The following CREB3L2 variants were observed in gnomAD, a reference collection of about 807,000 sequenced individuals.
CREB3L2 encodes the protein cyclic AMP-responsive element-binding protein 3-like protein 2.
A neutral mutation model predicts 57.2 loss-of-function variants in CREB3L2; 23 were observed. The ratio of observed to expected loss-of-function variants is 0.40; its 90% CI spans 0.29 to 0.57. The LOEUF is 0.57. Ranked by LOEUF, CREB3L2 falls within the 20% of genes least tolerant of loss-of-function variation. The pLI, the probability that CREB3L2 is intolerant of heterozygous loss-of-function variation, is 0.42. For synonymous variants in CREB3L2, 268 were observed against 265.1 expected, an observed-to-expected ratio of 1.01 and a Z score of -0.11; for missense variants, 628 against 634.7, an observed-to-expected ratio of 0.99 and a Z score of 0.11.
chr7:137,983,330 T>C (rs908759187), intron 1 of CREB3L2, among the ~76,000 whole-genome samples: 8 of 152,156 alleles, frequency 5.3e-5, no homozygotes, highest in African/African-American at 1.9e-4. Flanking sequence ...AGGGCAGAAA[T>C]GCAACATCAG....
At chr7:137,933,176 G>A (rs1223748542) in intron 1 of CREB3L2, among the ~76,000 whole-genome samples, 1 of 152,196 alleles carries the variant, frequency 6.6e-6, no homozygotes, top group Non-Finnish European at 1.5e-5. Flanking sequence ...ATCCTTTGAA[G>A]ACAAAACTAA....
At chr7:137,895,852 T>G (rs1250606633) in intron 8 of CREB3L2, among the ~76,000 whole-genome samples, 1 of 152,208 alleles carries the variant, frequency 6.6e-6, no homozygotes, top group Non-Finnish European at 1.5e-5. Flanking sequence ...CCCCAAGGCC[T>G]CTCCACCCCC....
chr7:137,905,324 G>A (rs947315950), intron 6 of CREB3L2, among the ~76,000 whole-genome samples: 3 of 146,340 alleles, frequency 2.1e-5, no homozygotes, highest in African/African-American at 7.5e-5. Flanking sequence ...GATACATAGA[G>A]TACATATATA....
At chr7:137,933,207 A>G (rs986628383) in intron 1 of CREB3L2, among the ~76,000 whole-genome samples, 3 of 152,238 alleles carry the variant, frequency 2.0e-5, no homozygotes, top group African/African-American at 7.2e-5. Flanking sequence ...AGAGAAATAA[A>G]TAACAGAATG....
At chr7:137,953,835 G>A (rs1801154624) in intron 1 of CREB3L2, among the ~76,000 whole-genome samples, 1 of 152,200 alleles carries the variant, frequency 6.6e-6, no homozygotes, top group Admixed American at 6.5e-5. Flanking sequence ...AAAACAGACG[G>A]TCAAACAAAG....
chr7:137,900,600 T>C (rs1017917101), intron 8 of CREB3L2, among the ~76,000 whole-genome samples: 7 of 150,924 alleles, frequency 4.6e-5, no homozygotes, highest in African/African-American at 1.7e-4. Context: ...ATTGAGACCA[T>C]CCTGGCCAAC....
chr7:137,947,850 A>C (rs1193666964), intron 1 of CREB3L2, among the ~76,000 whole-genome samples: 1 of 152,190 alleles, frequency 6.6e-6, no homozygotes. Flanking sequence ...TGTCACGTCT[A>C]GAATATCCAC....
chr7:137,952,829 G>A (rs1383923004), intron 1 of CREB3L2, among the ~76,000 whole-genome samples: 3 of 151,930 alleles, frequency 2.0e-5, no homozygotes, highest in Non-Finnish European at 2.9e-5. Context: ...GTTTTTTTTA[G>A]ACGGGGTCTC....
intron 1 of CREB3L2, among the ~76,000 whole-genome samples, chr7:137,964,009 T>C (rs1314171775): frequency 2.0e-5 from 3 of 152,250 alleles, no homozygotes; most frequent in Non-Finnish European, 2.9e-5. Context: ...CCTTTTAAGA[T>C]GGCCATGTTA....
intron 1 of CREB3L2, among the ~76,000 whole-genome samples, chr7:137,972,734 TATAGAGAG>T (rs1341713029): frequency 3.8e-4 from 9 of 23,416 alleles, no homozygotes; most frequent in East Asian, 8.8e-4. Context: ...TATATATATA[TATAGAGAG>T]AGAGAGAGAG....
At chr7:137,971,320 G>A (rs1801502596) in intron 1 of CREB3L2, among the ~76,000 whole-genome samples, 1 of 152,102 alleles carries the variant, frequency 6.6e-6, no homozygotes, top group South Asian at 2.1e-4. Context: ...TGTGGTGGCG[G>A]GCGCCTGTAG....
In CREB3L2 at chr7:137,961,944, C is replaced by T. The variant is rs77202727; in HGVS notation, c.103-33578G>A. 5.1e-3 allele frequency among the ~76,000 whole-genome samples: 769 copies of T among 152,206 alleles called. 4 individuals are homozygous for T. Among genetic ancestry groups the T allele is most frequent in the African/African-American group, 0.018 (737 of 41,544 alleles). ...GAACCATGGGAACTTCTAGGAAGTT[C>T]TTCTAGGAACTCACACTGCTCCCCT... On this transcript the variant is annotated intron_variant, in intron 1 of 11. Transcript: ENST00000330387.
chr7:137,909,221 T>C (rs1799956196), intron 4 of CREB3L2, among the ~76,000 whole-genome samples: 1 of 152,234 alleles, frequency 6.6e-6, no homozygotes, highest in Admixed American at 6.5e-5. Context: ...CATCTTCAGA[T>C]ACGGGAGTGA....
chr7:137,902,646 A>T (rs1271816077), intron 7 of CREB3L2, among the ~76,000 whole-genome samples: 1 of 152,212 alleles, frequency 6.6e-6, no homozygotes, highest in Non-Finnish European at 1.5e-5. Context: ...CTGATTAAAA[A>T]ATGGTGTAGT....
chr7:137,893,227 T>C (rs747904517), intron 8 of CREB3L2, among the ~76,000 whole-genome samples: 76 of 152,320 alleles, frequency 5.0e-4, no homozygotes, highest in Admixed American at 8.5e-4. Context: ...GAACAAAAAC[T>C]GAGGCTGTGG....
At position 137,879,174 on chromosome 7, in the gene CREB3L2, A is replaced by T. The variant is rs1222106897; in HGVS notation, c.*1302T>A. The T allele has an allele frequency of 3.9e-6, 2 of 510,786 alleles. No individual in the cohort carries two copies. Among genetic ancestry groups the T allele is most frequent in the South Asian group, 3.4e-5 (2 of 59,670 alleles). 31.6% of individuals were successfully genotyped at this position (510,786 alleles called of 1,614,324 possible). On this transcript the variant is annotated 3_prime_UTR_variant, in exon 12 of 12. Coordinates refer to ENST00000330387, the MANE Select transcript of CREB3L2 (RefSeq NM_194071.4). ...CAAAAGTTACTTTTAACCATAAAAA[A>T]AAAACAAAAAAACTAAAAGTAGGTT...
rs750056999 is a variant in CREB3L2, at chr7:137,885,502, C to G, written c.1044G>C (p.Arg348Ser). 6.8e-6 allele frequency: 11 copies of G among 1,612,030 alleles called. No homozygotes were observed. The highest frequency in any genetic ancestry group is 9.3e-6 in the Non-Finnish European group (11 of 1,178,134). The change falls in exon 9 of 12, where the codon AGG becomes AGC. Residue 348 changes from arginine to serine, a missense_variant and splice_region_variant. By Grantham distance (110) the Arg-to-Ser change is moderately radical. Coordinates refer to ENST00000330387, the MANE Select transcript of CREB3L2 (RefSeq NM_194071.4). ...KKVEVLENTN[R>S]TLLQQLQKLQ... The stretch of plus-strand genomic sequence containing the variant: ...GCTTCTGGAGTTGCTGAAGGAGAGT[C>G]CTGCCAATGATAACAACAGCCGTGA...
At chr7:137,952,026 A>G (rs1801112346) in intron 1 of CREB3L2, among the ~76,000 whole-genome samples, 1 of 152,180 alleles carries the variant, frequency 6.6e-6, no homozygotes, top group South Asian at 2.1e-4. Flanking sequence ...GGCTGGTAGG[A>G]TAGTGGGAAC....
chr7:137,894,738 G>A (rs759670042), intron 8 of CREB3L2, among the ~76,000 whole-genome samples: 9 of 152,226 alleles, frequency 5.9e-5, no homozygotes, highest in Non-Finnish European at 1.3e-4. Flanking sequence ...GGCTGAAGGA[G>A]AGCCAGCACA....
Sources: gnomAD v4.1 joint callset for allele counts (sites outside exome capture counted in the v4.1 genomes callset) on GRCh38, gnomAD v4.1.1 for gene constraint, MANE v1.5 for transcripts, NCBI Gene and HGNC (gene_info 2026-07-23, HGNC 2026-07-21) for gene names.